Variants in FANCM observed in about 807,000 individuals in gnomAD.
The protein encoded by FANCM is Fanconi anemia group M protein.
FANCM carries 140 observed loss-of-function variants against 199.5 expected under a neutral mutation model. That is an observed-to-expected ratio of 0.70 (90% confidence interval 0.61 to 0.81). The LOEUF is 0.81. FANCM is among the 30% of genes least tolerant of loss of function. The pLI, the probability that FANCM is intolerant of heterozygous loss-of-function variation, is 0.00. For missense variants in FANCM, 2,410 were observed against 2,421.4 expected (o/e 1.00, Z 0.10); for synonymous variants, 840 against 836.8 (o/e 1.00, Z -0.07).
In FANCM at chr14:45,200,010, C is replaced by G; in HGVS notation, c.*2C>G. The G allele has an allele frequency of 2.5e-6, 4 of 1,603,886 alleles. No homozygotes were observed. The highest frequency in any genetic ancestry group is 3.4e-6 in the Non-Finnish European group (4 of 1,172,718). On this transcript the variant is annotated 3_prime_UTR_variant, in exon 23 of 23. Coordinates refer to ENST00000267430, the MANE Select transcript of FANCM (RefSeq NM_020937.4). Reference sequence around the variant, plus strand: ...GATAGACTGAAATCTGATATATAATCAAGCTGCTCAAGATGGGGTTTTCAA... The same window carrying G: ...GATAGACTGAAATCTGATATATAATGAAGCTGCTCAAGATGGGGTTTTCAA...
At chr14:45,174,165 TC>T (rs1452894832) in intron 13 of FANCM, among the ~76,000 whole-genome samples, 6 of 152,028 alleles carry the variant, frequency 3.9e-5, no homozygotes, top group African/African-American at 1.4e-4. Flanking sequence ...AGCAGGCAGA[TC>T]ACTTGAGGTC....
chr14:45,147,906 C>T (rs890879669), intron 3 of FANCM, among the ~76,000 whole-genome samples: 1 of 143,404 alleles, frequency 7.0e-6, no homozygotes, highest in South Asian at 2.2e-4. Flanking sequence ...CGCCCCCCCC[C>T]CAAAAAAAAA....
In FANCM at chr14:45,181,506, T is replaced by G; in HGVS notation, c.4299T>G (p.Asn1433Lys). 2 of 1,604,470 alleles carry G rather than the reference T, an allele frequency of 1.2e-6. No homozygotes were observed. Among genetic ancestry groups the G allele is most frequent in the East Asian group, 4.5e-5 (2 of 44,696 alleles). The change falls in exon 15 of 23, where the codon AAT becomes AAG. Residue 1433 changes from asparagine (N) to lysine (K), a missense_variant. Transcript: ENST00000267430. ...GAAAAGTTAAAAGAGCAAAAGGAAA[T>G]GTTTTAAACTCTCCTGAGGTGAGTC... ...FRRKVKRAKG[N>K]VLNSPEDQKN...
At chr14:45,179,054 C>T (rs1454328559) in intron 14 of FANCM, among the ~76,000 whole-genome samples, 1 of 151,992 alleles carries the variant, frequency 6.6e-6, no homozygotes, top group Admixed American at 6.6e-5. Flanking sequence ...CAAAAATTAG[C>T]CAGGCGTCGT....
rs758177952 is a variant in FANCM at position 45,189,124 on chromosome 14, A to G, written c.5102A>G (p.Gln1701Arg). The G allele has an allele frequency of 6.2e-7, 1 of 1,614,062 alleles. No homozygotes were observed. The highest frequency in any genetic ancestry group is 8.5e-7 in the Non-Finnish European group (1 of 1,179,878). Residue 1701 changes from glutamine to arginine, a missense_variant, in exon 20 of 23, where the codon CAG (glutamine) becomes CGG (arginine). Gln to Arg is a conservative substitution (Grantham distance 43). Transcript: ENST00000267430. ...NPSTVKKNKQ[Q>R]DHCLNSVPSG... ...AGCACTGTTAAGAAGAACAAACAAC[A>G]GGACCATTGTTTAAATTCAGTGCCT...
chr14:45,187,921 GGAT>G, intron 19 of FANCM, 34 bp downstream of exon 19: 1 of 1,037,498 alleles, frequency 9.6e-7, no homozygotes, highest in Non-Finnish European at 1.5e-6. Flanking sequence ...GAGAATTTCT[GGAT>G]GATGATGTTG....
At position 45,173,057 on chromosome 14, in the gene FANCM, T is replaced by A; in HGVS notation, c.2163T>A (p.Ala721=). ...TTATTACTTTTTAAATAATTAAGGCTCAAGAATCAACCACTGGAATTCATC... is the reference window on the plus strand; with the variant it reads ...TTATTACTTTTTAAATAATTAAGGCACAAGAATCAACCACTGGAATTCATC... ...SSLQNEENKP[A]QESTTGIHQL... The change falls in exon 13 of 23, where the codon GCT becomes GCA. Residue 721 remains alanine, a splice_region_variant and synonymous_variant. Transcript: ENST00000267430. The A allele has an allele frequency of 1.2e-6, 2 of 1,604,136 alleles. No homozygotes were observed. The highest frequency in any genetic ancestry group is 1.7e-6 in the Non-Finnish European group (2 of 1,171,082).
At chr14:45,151,912 TAAAA>T (rs767251183) in intron 5 of FANCM, among the ~76,000 whole-genome samples, 2 of 118,426 alleles carry the variant, frequency 1.7e-5, no homozygotes, top group Admixed American at 1.8e-4. Context: ...AGACCTGTCT[TAAAA>T]AAAAAAAAAA....
chr14:45,148,746 A>C (rs1288537265), intron 3 of FANCM, 91 bp from the exon 4 acceptor site: 3 of 822,590 alleles, frequency 3.6e-6, no homozygotes, highest in Non-Finnish European at 5.9e-6. Flanking sequence ...TGCTTCTTTC[A>C]AAATTTTACT....
At chr14:45,187,960 C>T (rs1268773300) in intron 19 of FANCM, 73 bp downstream of exon 19, 1 of 807,116 alleles carries the variant, frequency 1.2e-6, no homozygotes, top group Non-Finnish European at 2.1e-6. Context: ...AGTGAAGCCT[C>T]CATTTTGTTT....
At chr14:45,191,459 A>G (rs1889761971) in intron 20 of FANCM, among the ~76,000 whole-genome samples, 1 of 152,024 alleles carries the variant, frequency 6.6e-6, no homozygotes, top group African/African-American at 2.4e-5. Context: ...GCTTCTAATC[A>G]CCATAGTTGC....
rs774976122 is a variant in FANCM at position 45,167,192 on chromosome 14, A to G, written c.2002+29A>G. On this transcript the variant is annotated intron_variant, in intron 11 of 22. Coordinates refer to ENST00000267430, the MANE Select transcript of FANCM (RefSeq NM_020937.4). ...AATAAATTTTGCATTTGACACATGCATTTTTCCCCTGTTCTTACTTAGCAG... is the reference window on the plus strand; with the variant it reads ...AATAAATTTTGCATTTGACACATGCGTTTTTCCCCTGTTCTTACTTAGCAG... The G allele has an allele frequency of 1.3e-5, 17 of 1,296,926 alleles. No individual in the cohort carries two copies. The East Asian group carries it at 3.0e-4, about 23-fold the overall frequency. 80.3% of individuals were successfully genotyped at this position (1,296,926 alleles called of 1,614,324 possible). A position where few individuals can be genotyped will look rare whatever the true frequency, so the allele number is the denominator to read the frequency against.
In FANCM at chr14:45,187,907, A is replaced by G. The variant is rs1412361963; in HGVS notation, c.4779+20A>G. 1 of 1,151,948 alleles carries G rather than the reference A, an allele frequency of 8.7e-7. No homozygotes were observed. Among genetic ancestry groups the G allele is most frequent in the Non-Finnish European group, 1.3e-6 (1 of 761,380 alleles). 71.4% of individuals were successfully genotyped at this position (1,151,948 alleles called of 1,614,324 possible). On this transcript the variant is annotated intron_variant, in intron 19 of 22. Transcript: ENST00000267430. ...TCGCAGGTATGAACTATAGAAATATAATGGAGAATTTCTGGATGATGATGT... is the reference window on the plus strand; with the variant it reads ...TCGCAGGTATGAACTATAGAAATATGATGGAGAATTTCTGGATGATGATGT...
intron 9 of FANCM, among the ~76,000 whole-genome samples, chr14:45,159,672 C>T (rs749316030): frequency 3.9e-5 from 6 of 151,964 alleles, no homozygotes; most frequent in Admixed American, 6.6e-5. Flanking sequence ...TTTATTAAGT[C>T]GCTTTAATAA....
chr14:45,173,050 T>C lies in FANCM; in HGVS notation c.2161-5T>C, dbSNP rs2139234390. On this transcript the variant is annotated splice_polypyrimidine_tract_variant and splice_region_variant and intron_variant, in intron 12 of 22. Coordinates refer to ENST00000267430, the MANE Select transcript of FANCM (RefSeq NM_020937.4). ...ATCATTTTTATTACTTTTTAAATAA[T>C]TAAGGCTCAAGAATCAACCACTGGA... The C allele has an allele frequency of 1.3e-6, 2 of 1,597,374 alleles. No homozygotes were observed. The highest frequency in any genetic ancestry group is 1.7e-6 in the Non-Finnish European group (2 of 1,164,908).
Position 45,181,713 on chromosome 14 carries a change from A to T in FANCM, c.4386+8A>T, listed in dbSNP as rs1889086048. On this transcript the variant is annotated splice_region_variant and intron_variant, in intron 16 of 22. Transcript: ENST00000267430. ...AGATTTCCTATAAACAGAGTAAGTAAATACCAGGTAATGTATAGTAATCCA... is the reference window on the plus strand; with the variant it reads ...AGATTTCCTATAAACAGAGTAAGTATATACCAGGTAATGTATAGTAATCCA... The T allele has an allele frequency of 6.4e-7, 1 of 1,562,610 alleles. No individual in the cohort carries two copies. The highest frequency in any genetic ancestry group is 1.3e-5 in the African/African-American group (1 of 74,126).
At chr14:45,198,002 C>A (rs1056345842) in intron 21 of FANCM, among the ~76,000 whole-genome samples, 1 of 149,338 alleles carries the variant, frequency 6.7e-6, no homozygotes, top group African/African-American at 2.5e-5. Flanking sequence ...TTCTTGACCT[C>A]GTTATCTTCC....
In FANCM at chr14:45,162,881, C is replaced by G. The variant is rs144414976; in HGVS notation, c.1582-1478C>G. Reference sequence around the variant, plus strand: ...ACTGTGGCCTTTTTTTTTTCTTTATCTGGGCAAAAAGGACATCTGCTTTAC... The same window carrying G: ...ACTGTGGCCTTTTTTTTTTCTTTATGTGGGCAAAAAGGACATCTGCTTTAC... On this transcript the variant is annotated intron_variant, in intron 9 of 22. Coordinates refer to ENST00000267430, the MANE Select transcript of FANCM (RefSeq NM_020937.4). Among the ~76,000 whole-genome samples, 979 of 148,154 alleles carry G rather than the reference C, an allele frequency of 6.6e-3. 8 individuals are homozygous for G. The highest frequency in any genetic ancestry group is 0.023 in the African/African-American group (933 of 40,422).
At chr14:45,184,015 A>AT in intron 17 of FANCM, 113 bp downstream of exon 17, 2 of 743,836 alleles carry the variant, frequency 2.7e-6, no homozygotes, top group South Asian at 4.0e-5. Flanking sequence ...AAAATTAAGT[A>AT]TTTTGACACC....
Sources: gnomAD v4.1 joint callset for allele counts (sites outside exome capture counted in the v4.1 genomes callset) on GRCh38, gnomAD v4.1.1 for gene constraint, MANE v1.5 for transcripts, NCBI Gene and HGNC (gene_info 2026-07-23, HGNC 2026-07-21) for gene names.